KCNMA1: variants seen among roughly 807,000 people sequenced by gnomAD.
KCNMA1 encodes potassium calcium-activated channel subfamily M alpha 1, also known as Calcium-activated potassium channel subunit alpha-1.
In KCNMA1, 29 loss-of-function variants were observed where a neutral mutation model predicts 140.0. The observed-to-expected ratio is 0.21, with a 90% confidence interval of 0.15 to 0.28. The LOEUF is 0.28. Among genes scored for constraint, KCNMA1 ranks in the 10% least tolerant of loss-of-function variants. The probability of loss-of-function intolerance (pLI) is 1.00; values close to 1 mark genes in which losing one functional copy is unlikely to be tolerated. For missense variants in KCNMA1, 880 were observed against 1,602.2 expected (o/e 0.55, Z 7.70); for synonymous variants, 612 against 611.9 (o/e 1.00, Z 0.00).
intron 24 of KCNMA1, chr10:76,910,722 C>T (rs2049824328): frequency 6.3e-6 from 1 of 159,896 alleles, no homozygotes; most frequent in Non-Finnish European, 1.4e-5. Context: ...CTGTCTCCTG[C>T]TGCTTGCTGA....
At chr10:77,621,708 A>C (rs1390789938) in intron 1 of KCNMA1, among the ~76,000 whole-genome samples, 1 of 152,124 alleles carries the variant, frequency 6.6e-6, no homozygotes, top group Admixed American at 6.5e-5. Context: ...CAGGTGGACC[A>C]CTTGAGCTCA....
At chr10:77,606,692 G>A (rs951576897) in intron 1 of KCNMA1, among the ~76,000 whole-genome samples, 5 of 152,132 alleles carry the variant, frequency 3.3e-5, no homozygotes, top group African/African-American at 1.2e-4. Flanking sequence ...AGTCCTTTCT[G>A]AGGGTCCTGA....
At chr10:77,488,718 G>C (rs1024463143) in intron 1 of KCNMA1, among the ~76,000 whole-genome samples, 1 of 152,112 alleles carries the variant, frequency 6.6e-6, no homozygotes, top group Admixed American at 6.6e-5. Flanking sequence ...GCCCTGGAAG[G>C]TACCATGTCC....
At chr10:77,359,963 A>G (rs1281405399) in intron 2 of KCNMA1, among the ~76,000 whole-genome samples, 1 of 152,234 alleles carries the variant, frequency 6.6e-6, no homozygotes, top group Non-Finnish European at 1.5e-5. Context: ...AGATGTATAA[A>G]AAAAGAACTA....
chr10:77,006,198 C>T (rs973379374), intron 18 of KCNMA1, among the ~76,000 whole-genome samples: 2 of 152,130 alleles, frequency 1.3e-5, no homozygotes, highest in Non-Finnish European at 2.9e-5. Context: ...AAAAGCAGTA[C>T]TGGACTGAGG....
chr10:77,014,206 T>G (rs796983699), intron 17 of KCNMA1, among the ~76,000 whole-genome samples: 2 of 152,112 alleles, frequency 1.3e-5, no homozygotes, highest in African/African-American at 4.8e-5. Flanking sequence ...TGTGGATAGA[T>G]CACGAGGCCA....
chr10:77,226,546 G>A (rs2051494579), intron 3 of KCNMA1, among the ~76,000 whole-genome samples: 1 of 152,022 alleles, frequency 6.6e-6, no homozygotes, highest in African/African-American at 2.4e-5. Flanking sequence ...ACATTTGTCA[G>A]AGTGATTTGG....
chr10:77,133,447 T>C (rs1564733628), intron 5 of KCNMA1, among the ~76,000 whole-genome samples: 1 of 151,904 alleles, frequency 6.6e-6, no homozygotes, highest in African/African-American at 2.4e-5. Context: ...ATGGAAATTA[T>C]GTGCCTGGCA....
intron 1 of KCNMA1, among the ~76,000 whole-genome samples, chr10:77,555,385 G>T (rs2064021123): frequency 6.6e-6 from 1 of 151,252 alleles, no homozygotes; most frequent in African/African-American, 2.4e-5. Flanking sequence ...GGGGCAGAAA[G>T]AAAAAAAACA....
chr10:76,967,687 A>C (rs1009155222), intron 20 of KCNMA1, among the ~76,000 whole-genome samples: 6 of 152,110 alleles, frequency 3.9e-5, no homozygotes, highest in Non-Finnish European at 7.4e-5. Flanking sequence ...CTGGGCTGCG[A>C]AGGGAGACCA....
intron 1 of KCNMA1, among the ~76,000 whole-genome samples, chr10:77,520,808 C>G (rs1235886434): frequency 2.0e-5 from 3 of 152,098 alleles, no homozygotes; most frequent in African/African-American, 4.8e-5. Flanking sequence ...AAAGAGGCAG[C>G]CTGTGACATC....
At chr10:77,432,307 G>A (rs1334705992) in intron 1 of KCNMA1, among the ~76,000 whole-genome samples, 1 of 152,194 alleles carries the variant, frequency 6.6e-6, no homozygotes, top group Non-Finnish European at 1.5e-5. Flanking sequence ...ACTGCGTGAG[G>A]CTGGGAAGGC....
intron 1 of KCNMA1, among the ~76,000 whole-genome samples, chr10:77,600,444 T>A (rs1838161461): frequency 6.6e-6 from 1 of 152,056 alleles, no homozygotes; most frequent in South Asian, 2.1e-4. Context: ...CACAGAGAAG[T>A]TGCTACAAAA....
At chr10:77,175,162 C>G (rs962812540) in intron 5 of KCNMA1, among the ~76,000 whole-genome samples, 1 of 152,096 alleles carries the variant, frequency 6.6e-6, no homozygotes, top group East Asian at 1.9e-4. Context: ...TCCCCAGTAA[C>G]GCTGATGCTG....
chr10:77,366,368 C>T (rs1422069971), intron 2 of KCNMA1, among the ~76,000 whole-genome samples: 3 of 152,158 alleles, frequency 2.0e-5, no homozygotes, highest in Non-Finnish European at 2.9e-5. Flanking sequence ...AGGGTTTCAC[C>T]TTGTTGACCA....
chr10:76,984,670 C>T (rs974484110), intron 19 of KCNMA1, among the ~76,000 whole-genome samples: 1 of 152,162 alleles, frequency 6.6e-6, no homozygotes, highest in Admixed American at 6.5e-5. Context: ...GAACTTGCCA[C>T]ATAACAATAA....
chr10:77,372,252 A>C (rs2094784516), intron 2 of KCNMA1, among the ~76,000 whole-genome samples: 1 of 152,162 alleles, frequency 6.6e-6, no homozygotes, highest in African/African-American at 2.4e-5. Context: ...ATCACTCCAA[A>C]AGGACTAGAA....
chr10:77,355,399 G>C (rs2093386452), intron 2 of KCNMA1, among the ~76,000 whole-genome samples: 1 of 152,168 alleles, frequency 6.6e-6, no homozygotes, highest in Non-Finnish European at 1.5e-5. Flanking sequence ...AATGTTCTCT[G>C]TTCCGTGGCA....
At chr10:76,985,924 A>T (rs905119089) in intron 19 of KCNMA1, among the ~76,000 whole-genome samples, 5 of 152,260 alleles carry the variant, frequency 3.3e-5, no homozygotes, top group South Asian at 2.1e-4. Flanking sequence ...ACATAAAAAA[A>T]TAAAATAAAA....
Sources: allele counts gnomAD v4.1 joint callset (sites outside exome capture counted in the v4.1 genomes callset), GRCh38; gene constraint gnomAD v4.1.1; transcripts MANE v1.5; gene names NCBI Gene and HGNC (gene_info 2026-07-23, HGNC 2026-07-21).